GABRA1: variants seen among roughly 807,000 people sequenced by gnomAD.
GABRA1 encodes gamma-aminobutyric acid receptor subunit alpha-1.
Under a neutral mutation model 48.9 loss-of-function variants are expected in GABRA1, and 9 were observed. The ratio of observed to expected loss-of-function variants is 0.18; its 90% CI spans 0.11 to 0.32. GABRA1 has a LOEUF of 0.32. Among genes scored for constraint, GABRA1 ranks in the 10% least tolerant of loss-of-function variants. The pLI, the probability that GABRA1 is intolerant of heterozygous loss-of-function variation, is 1.00. For missense variants in GABRA1, 285 were observed against 553.8 expected (o/e 0.51, Z 4.87); for synonymous variants, 210 against 198.7 (o/e 1.06, Z -0.48).
At chr5:161,877,554 G>A (rs1480311424) in intron 6 of GABRA1, among the ~76,000 whole-genome samples, 1 of 152,076 alleles carries the variant, frequency 6.6e-6, no homozygotes, top group African/African-American at 2.4e-5. Context: ...AATGAAAGGA[G>A]TAATGCCTAT....
At chr5:161,859,409 G>T (rs1345204997) in intron 3 of GABRA1, among the ~76,000 whole-genome samples, 2 of 151,750 alleles carry the variant, frequency 1.3e-5, no homozygotes, top group Non-Finnish European at 2.9e-5. Flanking sequence ...ATTCCCTGCA[G>T]TTGGCAAGAT....
chr5:161,896,139 G>C (rs963883550), intron 9 of GABRA1, among the ~76,000 whole-genome samples: 19 of 152,136 alleles, frequency 1.2e-4, no homozygotes, highest in Admixed American at 1.2e-3. Flanking sequence ...GGTTTCTATT[G>C]ATTTGAGAAC....
chr5:161,881,748 C>A (rs896627364), intron 6 of GABRA1: 6 of 152,032 alleles, frequency 3.9e-5, no homozygotes, highest in African/African-American at 1.5e-4. Context: ...TGGTCTTCCT[C>A]AAACTAGTCA....
intron 3 of GABRA1, among the ~76,000 whole-genome samples, chr5:161,856,768 A>C (rs971422006): frequency 7.3e-5 from 11 of 151,206 alleles, no homozygotes; most frequent in African/African-American, 2.7e-4. Flanking sequence ...CAACATTTTA[A>C]AGTACATTTT....
intron 8 of GABRA1, among the ~76,000 whole-genome samples, chr5:161,891,671 T>C (rs1755096965): frequency 6.6e-6 from 1 of 152,182 alleles, no homozygotes; most frequent in African/African-American, 2.4e-5. Flanking sequence ...TATTTCCTCA[T>C]GTATTATTTT....
At chr5:161,883,498 C>A (rs966806722) in intron 7 of GABRA1, among the ~76,000 whole-genome samples, 1 of 152,084 alleles carries the variant, frequency 6.6e-6, no homozygotes, top group Admixed American at 6.6e-5. Flanking sequence ...ATCATCAGAC[C>A]AGATAATTAT....
At chr5:161,849,193 A>C (rs1332671924) in intron 1 of GABRA1, among the ~76,000 whole-genome samples, 1 of 152,170 alleles carries the variant, frequency 6.6e-6, no homozygotes, top group African/African-American at 2.4e-5. Context: ...TCTTTTAAAA[A>C]TGTCAGAAGA....
At position 161,899,924 on chromosome 5, in the gene GABRA1, A is replaced by G. The variant is rs1755540104; in HGVS notation, c.*2502A>G. 6.6e-6 allele frequency: 1 copy of G among 152,224 alleles called. No homozygotes were observed. Among genetic ancestry groups the G allele is most frequent in the East Asian group, 1.9e-4 (1 of 5,200 alleles). The allele number at this position is 152,224 out of a possible 1,614,324, so 9.4% of individuals were successfully genotyped here. ...TTTATGTCATACTGTATTCTACTGA[A>G]TAATAAAGCTAACATTATTCAATAA... On this transcript the variant is annotated 3_prime_UTR_variant, in exon 10 of 10. Transcript: ENST00000393943.
intron 5 of GABRA1, among the ~76,000 whole-genome samples, chr5:161,873,983 T>C (rs1262844755): frequency 6.6e-6 from 1 of 152,156 alleles, no homozygotes; most frequent in African/African-American, 2.4e-5. Flanking sequence ...TTGAATTTTA[T>C]ATAGAAAAAA....
intron 6 of GABRA1, among the ~76,000 whole-genome samples, chr5:161,876,215 G>T (rs573141965): frequency 1.8e-4 from 28 of 152,016 alleles, no homozygotes; most frequent in East Asian, 9.7e-4. Flanking sequence ...GCTCTTGAAA[G>T]TATCCTGGAT....
chr5:161,885,837 A>G (rs1023553588), intron 7 of GABRA1, among the ~76,000 whole-genome samples: 1 of 152,170 alleles, frequency 6.6e-6, no homozygotes, highest in African/African-American at 2.4e-5. Context: ...TTCAAATCCA[A>G]TATGTCTTTA....
intron 3 of GABRA1, 74 bp downstream of exon 3, chr5:161,854,344 T>C: frequency 2.5e-6 from 2 of 810,586 alleles, no homozygotes; most frequent in Non-Finnish European, 4.4e-6. Flanking sequence ...AATTTACCTC[T>C]AAATGGTCAA....
At chr5:161,872,218 C>T (rs1754150729) in intron 4 of GABRA1, 1 of 152,534 alleles carries the variant, frequency 6.6e-6, no homozygotes, top group Non-Finnish European at 1.5e-5. Context: ...AATTTAGTGC[C>T]AGTGTGGCAA....
At chr5:161,854,410 C>T in intron 3 of GABRA1, 140 bp downstream of exon 3, 1 of 678,100 alleles carries the variant, frequency 1.5e-6, no homozygotes, top group South Asian at 1.6e-5. Context: ...ATGGATCACT[C>T]TATGTTAATT....
At chr5:161,889,756 C>T (rs1561584160) in intron 7 of GABRA1, among the ~76,000 whole-genome samples, 1 of 151,922 alleles carries the variant, frequency 6.6e-6, no homozygotes, top group Non-Finnish European at 1.5e-5. Context: ...CTACTGGCCT[C>T]TAGTAAGTAG....
chr5:161,850,624 A>G, intron 1 of GABRA1, 172 bp from the exon 2 acceptor site: 1 of 630,188 alleles, frequency 1.6e-6, no homozygotes, highest in Non-Finnish European at 2.9e-6. Context: ...AATGGAAGGG[A>G]AAGTGGAGAA....
Position 161,897,235 on chromosome 5 carries a change from T to C in GABRA1, c.1184T>C (p.Ile395Thr), listed in dbSNP as rs1309328956. The C allele has an allele frequency of 1.2e-6, 2 of 1,614,112 alleles. No homozygotes were observed. Among genetic ancestry groups the C allele is most frequent in the Non-Finnish European group, 1.7e-6 (2 of 1,179,996 alleles). Residue 395 changes from isoleucine (I) to threonine (T), a missense_variant, in exon 10 of 10, where the codon ATA (isoleucine) becomes ACA (threonine). Transcript: ENST00000393943. ...GCCACCATTGCTAAAAGTGCAACCA[T>C]AGAACCTAAAGAGGTCAAGCCCGAA... The part of the protein sequence containing the change: ...GLATIAKSAT[I>T]EPKEVKPETK...
intron 7 of GABRA1, among the ~76,000 whole-genome samples, chr5:161,882,984 A>G (rs990043103): frequency 1.3e-5 from 2 of 152,178 alleles, no homozygotes; most frequent in African/African-American, 4.8e-5. Flanking sequence ...CTTAGAGATG[A>G]ACATCTGGGT....
intron 4 of GABRA1, among the ~76,000 whole-genome samples, chr5:161,870,930 A>C (rs4254937): frequency 0.51 from 77,544 of 150,860 alleles, 20,679 homozygotes; most frequent in East Asian, 0.66. Flanking sequence ...ATGAAGATTA[A>C]CCAGCGAGTG....
Sources: allele counts gnomAD v4.1 joint callset (sites outside exome capture counted in the v4.1 genomes callset), GRCh38; gene constraint gnomAD v4.1.1; transcripts MANE v1.5; gene names NCBI Gene and HGNC (gene_info 2026-07-23, HGNC 2026-07-21).